Variants in NKAIN3 observed in about 807,000 individuals in gnomAD.
NKAIN3 encodes the protein sodium/potassium transporting ATPase interacting 3.
In NKAIN3, 25 loss-of-function variants were observed where a neutral mutation model predicts 30.2. The observed-to-expected ratio is 0.83, with a 90% CI of 0.60 to 1.16. NKAIN3 has a LOEUF of 1.16. NKAIN3 is among the 50% of genes most tolerant of loss of function. The pLI is 0.00. For missense variants in NKAIN3, 225 were observed against 254.1 expected, an observed-to-expected ratio of 0.89 and a Z score of 0.78; for synonymous variants, 91 against 89.6, an observed-to-expected ratio of 1.02 and a Z score of -0.09.
chr8:62,837,459 G>T (rs1011576993), intron 4 of NKAIN3, among the ~76,000 whole-genome samples: 3 of 152,238 alleles, frequency 2.0e-5, no homozygotes, highest in Admixed American at 1.3e-4. Flanking sequence ...AGGTTTTAGA[G>T]TTATCTTAAA....
At chr8:62,856,356 G>A (rs921198114) in intron 4 of NKAIN3, 4 of 878,676 alleles carry the variant, frequency 4.6e-6, no homozygotes, top group African/African-American at 1.6e-5. Context: ...TTGCTTCCTG[G>A]TCTCCTTGGA....
chr8:62,433,602 G>A (rs1805082323), intron 1 of NKAIN3, among the ~76,000 whole-genome samples: 1 of 152,098 alleles, frequency 6.6e-6, no homozygotes. Context: ...TTTATCAGAC[G>A]GTGGGATTTT....
intron 3 of NKAIN3, among the ~76,000 whole-genome samples, chr8:62,605,657 G>A (rs1811102789): frequency 6.6e-6 from 1 of 151,958 alleles, no homozygotes; most frequent in African/African-American, 2.4e-5. Context: ...TTAAAATGTA[G>A]CGTATCTATT....
chr8:62,854,187 T>C lies in NKAIN3; in HGVS notation c.472-64266T>C, dbSNP rs577233289. 2.0e-5 allele frequency among the ~76,000 whole-genome samples: 3 copies of C among 152,270 alleles called. No individual in the cohort carries two copies. The East Asian group carries it at 5.8e-4, about 29-fold the overall frequency. ...GAATATGTATTCTGTTGTTTTGGGGTGGAGAGTTCTGTAGTTATCTATCAG... is the reference window on the plus strand; with the variant it reads ...GAATATGTATTCTGTTGTTTTGGGGCGGAGAGTTCTGTAGTTATCTATCAG... On this transcript the variant is annotated intron_variant, in intron 4 of 6. Transcript: ENST00000623646.
Position 62,968,775 on chromosome 8 carries a change from C to G in NKAIN3, c.*3368C>G, listed in dbSNP as rs141169664. ...TGTGAATGATGCATCCTTTCTTAAGCGTCTTCTGCTGACCTCGTGCAGCAC... is the reference window on the plus strand; with the variant it reads ...TGTGAATGATGCATCCTTTCTTAAGGGTCTTCTGCTGACCTCGTGCAGCAC... On this transcript the variant is annotated 3_prime_UTR_variant, in exon 7 of 7. Transcript: ENST00000623646. Among the ~76,000 whole-genome samples, 51 of 152,316 alleles carry G rather than the reference C, an allele frequency of 3.3e-4. No individual in the cohort carries two copies. Among genetic ancestry groups the G allele is most frequent in the African/African-American group, 1.1e-3 (44 of 41,566 alleles).
At chr8:62,400,780 T>C (rs1803836770) in intron 1 of NKAIN3, among the ~76,000 whole-genome samples, 1 of 152,120 alleles carries the variant, frequency 6.6e-6, no homozygotes, top group Non-Finnish European at 1.5e-5. Flanking sequence ...AGAAGTCCGC[T>C]GCCACATGTA....
intron 3 of NKAIN3, among the ~76,000 whole-genome samples, chr8:62,631,624 C>A (rs1451242737): frequency 1.3e-5 from 2 of 152,202 alleles, no homozygotes; most frequent in South Asian, 2.1e-4. Flanking sequence ...CCTTCTCCCA[C>A]ATGTATTTGT....
intron 4 of NKAIN3, chr8:62,855,575 G>C: frequency 6.4e-7 from 1 of 1,574,368 alleles, no homozygotes; most frequent in Admixed American, 1.7e-5. Context: ...TTTATTCATT[G>C]CTTCAACCTT....
At chr8:62,684,861 A>G (rs1474470198) in intron 3 of NKAIN3, among the ~76,000 whole-genome samples, 2 of 152,220 alleles carry the variant, frequency 1.3e-5, no homozygotes, top group Non-Finnish European at 2.9e-5. Flanking sequence ...GAAGATGGCC[A>G]GCTACAAGAC....
chr8:62,860,678 A>G (rs1029068560), intron 4 of NKAIN3, among the ~76,000 whole-genome samples: 1 of 152,188 alleles, frequency 6.6e-6, no homozygotes, highest in Non-Finnish European at 1.5e-5. Context: ...GTACTTGTCC[A>G]TATGCAATGC....
chr8:62,275,763 A>G (rs1469570779), intron 1 of NKAIN3, among the ~76,000 whole-genome samples: 1 of 152,230 alleles, frequency 6.6e-6, no homozygotes, highest in Non-Finnish European at 1.5e-5. Context: ...AATTATTTGC[A>G]TATTACCATA....
intron 1 of NKAIN3, among the ~76,000 whole-genome samples, chr8:62,360,728 T>C (rs1816531787): frequency 6.6e-6 from 1 of 152,046 alleles, no homozygotes; most frequent in Non-Finnish European, 1.5e-5. Flanking sequence ...GGTGTTAAAG[T>C]CTCCCACTAT....
At chr8:62,309,969 A>G (rs1814375399) in intron 1 of NKAIN3, among the ~76,000 whole-genome samples, 1 of 150,420 alleles carries the variant, frequency 6.6e-6, no homozygotes, top group African/African-American at 2.5e-5. Flanking sequence ...CTATAAATTA[A>G]TTGCATAAAC....
intron 4 of NKAIN3, among the ~76,000 whole-genome samples, chr8:62,809,473 T>C (rs1284308901): frequency 6.6e-6 from 1 of 152,180 alleles, no homozygotes; most frequent in East Asian, 1.9e-4. Flanking sequence ...CTTCACAATT[T>C]ATGTTCCTCT....
chr8:62,750,618 C>T (rs1038998325), intron 4 of NKAIN3, among the ~76,000 whole-genome samples: 2 of 152,070 alleles, frequency 1.3e-5, no homozygotes, highest in Non-Finnish European at 2.9e-5. Flanking sequence ...TGCATCCTCC[C>T]CCGGCTCTCA....
intron 1 of NKAIN3, among the ~76,000 whole-genome samples, chr8:62,484,615 T>C (rs1806840760): frequency 6.6e-6 from 1 of 152,230 alleles, no homozygotes; most frequent in South Asian, 2.1e-4. Flanking sequence ...CAGATTGCAC[T>C]CATTATGGCA....
rs1816853266 is a variant in NKAIN3, at chr8:62,766,817, G to A, written c.471+19688G>A. Among the ~76,000 whole-genome samples, 3 of 152,114 alleles carry A rather than the reference G, an allele frequency of 2.0e-5. No individual in the cohort carries two copies. The South Asian group carries it at 6.2e-4, about 31-fold the overall frequency. ...CCAAATCCCATCCCTATTTTGTTGA[G>A]GGCTTTCTAAGAACATTAAACCTAT... On this transcript the variant is annotated intron_variant, in intron 4 of 6. Coordinates refer to ENST00000623646, the MANE Select transcript of NKAIN3 (RefSeq NM_001304533.3).
intron 1 of NKAIN3, among the ~76,000 whole-genome samples, chr8:62,274,594 TA>T (rs1257059729): frequency 6.6e-6 from 1 of 152,184 alleles, no homozygotes; most frequent in African/African-American, 2.4e-5. Context: ...CATTTTTTTT[TA>T]AATTTAGTTA....
chr8:62,741,438 A>G (rs1815886393), intron 3 of NKAIN3, among the ~76,000 whole-genome samples: 1 of 151,238 alleles, frequency 6.6e-6, no homozygotes, highest in South Asian at 2.1e-4. Context: ...CAAGCAAGCA[A>G]GCACACTCCA....
Sources: allele counts gnomAD v4.1 joint callset (sites outside exome capture counted in the v4.1 genomes callset), GRCh38; gene constraint gnomAD v4.1.1; transcripts MANE v1.5; gene names NCBI Gene and HGNC (gene_info 2026-07-23, HGNC 2026-07-21).